NFIA: variants seen among roughly 807,000 people sequenced by gnomAD.
NFIA encodes nuclear factor I A, also known as nuclear factor 1 A-type.
In NFIA, 8 loss-of-function variants were observed where a neutral mutation model predicts 62.8. The ratio of observed to expected loss-of-function variants is 0.13; its 90% CI spans 0.07 to 0.23. The LOEUF (loss-of-function observed/expected upper bound fraction) is 0.23, where lower values mean the gene tolerates loss of function less well. Among genes scored for constraint, NFIA ranks in the 10% least tolerant of loss-of-function variants. The pLI, the probability that NFIA is intolerant of heterozygous loss-of-function variation, is 1.00. For synonymous variants in NFIA, 235 were observed against 238.1 expected, an observed-to-expected ratio of 0.99 and a Z score of 0.12; for missense variants, 410 against 642.1, an observed-to-expected ratio of 0.64 and a Z score of 3.91.
chr1:61,437,352 G>A (rs1667376002), intron 10 of NFIA, among the ~76,000 whole-genome samples: 1 of 152,056 alleles, frequency 6.6e-6, no homozygotes, highest in Admixed American at 6.6e-5. Context: ...CCATAGGAGG[G>A]ACCTATGGTC....
chr1:61,367,586 A>G (rs1191995597), intron 6 of NFIA, among the ~76,000 whole-genome samples: 1 of 151,988 alleles, frequency 6.6e-6, no homozygotes, highest in Admixed American at 6.6e-5. Flanking sequence ...TTCTTTACGA[A>G]CCCTTCTTTA....
intron 3 of NFIA, among the ~76,000 whole-genome samples, chr1:61,330,071 T>C (rs1310076762): frequency 2.6e-5 from 4 of 152,182 alleles, no homozygotes; most frequent in Admixed American, 6.5e-5. Context: ...CGATGGTTCA[T>C]TGAAATATGG....
At chr1:61,434,563 C>G (rs1395154804) in intron 10 of NFIA, among the ~76,000 whole-genome samples, 1 of 152,218 alleles carries the variant, frequency 6.6e-6, no homozygotes, top group Non-Finnish European at 1.5e-5. Context: ...ACAAACTTCA[C>G]TTCTGGACAA....
At chr1:61,317,878 A>G (rs1309048584) in intron 3 of NFIA, among the ~76,000 whole-genome samples, 2 of 152,118 alleles carry the variant, frequency 1.3e-5, no homozygotes, top group Admixed American at 6.5e-5. Flanking sequence ...TAAGTGTACT[A>G]TTTCATTATT....
intron 6 of NFIA, among the ~76,000 whole-genome samples, chr1:61,363,761 G>A (rs1252744955): frequency 2.6e-5 from 4 of 152,042 alleles, no homozygotes; most frequent in African/African-American, 7.2e-5. Context: ...TAAGCAAAGA[G>A]TATTAACTGT....
chr1:61,266,174 G>T (rs1657150125), intron 2 of NFIA, among the ~76,000 whole-genome samples: 1 of 151,966 alleles, frequency 6.6e-6, no homozygotes, highest in Non-Finnish European at 1.5e-5. Context: ...AGGGAAAATG[G>T]GTGATTTACG....
chr1:61,196,940 TGC>T (rs1198725552), intron 2 of NFIA, among the ~76,000 whole-genome samples: 33 of 112,194 alleles, frequency 2.9e-4, no homozygotes, highest in Admixed American at 1.2e-3. Context: ...TGTGTGTGTG[TGC>T]GCGCGCGCGC....
chr1:61,443,648 C>T (rs914624829), intron 10 of NFIA, among the ~76,000 whole-genome samples: 2 of 152,158 alleles, frequency 1.3e-5, no homozygotes, highest in African/African-American at 4.8e-5. Context: ...TGAGCATTGC[C>T]CTGAGGTTAC....
intron 3 of NFIA, among the ~76,000 whole-genome samples, chr1:61,290,925 A>T (rs1265137728): frequency 1.3e-5 from 2 of 152,032 alleles, no homozygotes; most frequent in South Asian, 4.2e-4. Flanking sequence ...ACTTACAGAG[A>T]CTCTGGCAGT....
intron 2 of NFIA, among the ~76,000 whole-genome samples, chr1:61,110,091 G>T (rs1288632419): frequency 1.5e-5 from 2 of 133,582 alleles, no homozygotes; most frequent in Non-Finnish European, 3.3e-5. Flanking sequence ...ATTACATTCA[G>T]CACAGTATGA....
chr1:61,253,046 T>G (rs1656148430), intron 2 of NFIA, among the ~76,000 whole-genome samples: 1 of 152,190 alleles, frequency 6.6e-6, no homozygotes, highest in African/African-American at 2.4e-5. Context: ...GATTGGTAGT[T>G]TTGAAGTTCC....
At chr1:61,248,935 TAGA>T (rs1655831474) in intron 2 of NFIA, 1 of 152,220 alleles carries the variant, frequency 6.6e-6, no homozygotes, top group Non-Finnish European at 1.5e-5. Context: ...GATATATTAT[TAGA>T]AGAACATGCA....
At chr1:61,204,477 ATT>A (rs1374999002) in intron 2 of NFIA, among the ~76,000 whole-genome samples, 1 of 152,106 alleles carries the variant, frequency 6.6e-6, no homozygotes, top group African/African-American at 2.4e-5. Flanking sequence ...GGACCTTTAT[ATT>A]TTTTTATTTT....
chr1:61,138,133 T>C (rs1351506598), intron 2 of NFIA, among the ~76,000 whole-genome samples: 2 of 152,188 alleles, frequency 1.3e-5, no homozygotes, highest in African/African-American at 4.8e-5. Context: ...TCTTTCTCTG[T>C]CACCCATGCT....
intron 2 of NFIA, among the ~76,000 whole-genome samples, chr1:61,226,012 G>C (rs1304178074): frequency 6.6e-6 from 1 of 152,180 alleles, no homozygotes; most frequent in African/African-American, 2.4e-5. Flanking sequence ...ATTCACTAAT[G>C]TATCAGTTGT....
At chr1:61,239,725 G>A (rs1463789280) in intron 2 of NFIA, among the ~76,000 whole-genome samples, 3 of 152,150 alleles carry the variant, frequency 2.0e-5, no homozygotes, top group East Asian at 3.9e-4. Context: ...TATATTATTC[G>A]AAATAATTGT....
rs1646984322 is a variant in NFIA at position 61,126,910 on chromosome 1, G to A, written c.559+38230G>A. ...AGTGATTATCGTGCCTCAGCCTCCT[G>A]AGTAGCTGGGACTACAGATGTGTAC... is the stretch of plus-strand genomic sequence containing the variant. On this transcript the variant is annotated intron_variant, in intron 2 of 10. Transcript: ENST00000403491. Among the ~76,000 whole-genome samples, 3 of 146,204 alleles carry A rather than the reference G, an allele frequency of 2.1e-5. No homozygotes were observed. The Admixed American group carries it at 2.2e-4, about 11-fold the overall frequency.
chr1:61,124,889 G>C (rs1646943098), intron 2 of NFIA: 1 of 152,072 alleles, frequency 6.6e-6, no homozygotes, highest in African/African-American at 2.4e-5. Flanking sequence ...AATCCAGGTG[G>C]CCATGTTGAA....
intron 10 of NFIA, among the ~76,000 whole-genome samples, chr1:61,430,749 A>G (rs576832801): frequency 4.3e-4 from 66 of 152,070 alleles, no homozygotes; most frequent in African/African-American, 1.6e-3. Context: ...CTGCCTTCCA[A>G]TTGCATTGTA....
Sources: allele counts gnomAD v4.1 joint callset (sites outside exome capture counted in the v4.1 genomes callset), GRCh38; gene constraint gnomAD v4.1.1; transcripts MANE v1.5; gene names NCBI Gene and HGNC (gene_info 2026-07-23, HGNC 2026-07-21).